The following PCDHGB3 variants were observed in gnomAD, a reference collection of about 807,000 sequenced individuals.
PCDHGB3 encodes the protein protocadherin gamma subfamily B, 3, also known as protocadherin gamma-B3.
In PCDHGB3, 40 loss-of-function variants were observed where a neutral mutation model predicts 59.2. That is an observed-to-expected ratio of 0.68 (90% CI 0.52 to 0.88). The LOEUF (loss-of-function observed/expected upper bound fraction) is 0.88, where lower values mean the gene tolerates loss of function less well. Among genes scored for constraint, PCDHGB3 ranks in the 40% least tolerant of loss-of-function variants. The pLI is 0.00. For synonymous variants in PCDHGB3, 581 were observed against 503.6 expected (o/e 1.15, Z -2.06); for missense variants, 1,309 against 1,187.9 (o/e 1.10, Z -1.50).
intron 1 of PCDHGB3, chr5:141,423,108 GC>G: frequency 1.2e-6 from 2 of 1,613,864 alleles, no homozygotes; most frequent in African/African-American, 2.7e-5. Flanking sequence ...CGGGCGAGGT[GC>G]GTACAGCGCG....
At chr5:141,394,821 G>A (rs2093106496) in intron 1 of PCDHGB3, 2 of 1,613,744 alleles carry the variant, frequency 1.2e-6, no homozygotes, top group East Asian at 2.2e-5. Flanking sequence ...CAGCATCCCC[G>A]AAGTCCTGAC....
chr5:141,510,813 C>G, intron 3 of PCDHGB3, 134 bp from the exon 4 acceptor site: 2 of 1,537,024 alleles, frequency 1.3e-6, no homozygotes, highest in Non-Finnish European at 1.8e-6. Context: ...CTTGGTGACC[C>G]CTATATTCCC....
intron 1 of PCDHGB3, chr5:141,399,366 G>A (rs1390489498): frequency 3.7e-6 from 6 of 1,613,850 alleles, no homozygotes; most frequent in Middle Eastern, 3.3e-4. Flanking sequence ...AAACCCCGGA[G>A]TACAATGTCA....
chr5:141,426,805 A>G (rs1222690899), intron 1 of PCDHGB3: 2 of 456,720 alleles, frequency 4.4e-6, no homozygotes, highest in African/African-American at 2.0e-5. Flanking sequence ...CTCAGTTCTA[A>G]TGAACATTTC....
chr5:141,370,579 C>T lies in PCDHGB3; in HGVS notation c.185C>T (p.Pro62Leu), dbSNP rs1363089193. 1.9e-6 allele frequency: 3 copies of T among 1,613,818 alleles called. No individual in the cohort carries two copies. The highest frequency in any genetic ancestry group is 2.5e-6 in the Non-Finnish European group (3 of 1,179,890). ...KDLGFGVGDL[P>L]TRNLRVIAEK... is the part of the protein sequence containing the mutation. ...CTGGGGTTTGGCGTGGGGGATTTAC[C>T]TACTAGGAACCTGCGGGTTATTGCA... is the stretch of plus-strand genomic sequence containing the variant. The change falls in exon 1 of 4, where the codon CCT (proline) becomes CTT (leucine). Residue 62 changes from proline (P) to leucine (L), a missense_variant. By Grantham distance (98) the Pro-to-Leu change is moderately conservative. Transcript: ENST00000576222.
chr5:141,508,077 G>T (rs1166570509), intron 3 of PCDHGB3: 1 of 152,446 alleles, frequency 6.6e-6, no homozygotes, highest in Non-Finnish European at 1.5e-5. Context: ...GGCTACTCTG[G>T]AGTTGCTGCC....
intron 1 of PCDHGB3, chr5:141,413,140 A>G: frequency 1.3e-6 from 2 of 1,563,150 alleles, no homozygotes; most frequent in Non-Finnish European, 1.7e-6. Context: ...CAACGTGTCC[A>G]GTGAGGACTT....
rs144789830 is a variant in PCDHGB3 at position 141,503,198 on chromosome 5, C to T, written c.2475-2195C>T. Among the ~76,000 whole-genome samples the T allele has an allele frequency of 3.7e-3, 561 of 152,172 alleles. 5 individuals carry two copies. Among genetic ancestry groups the T allele is most frequent in the Admixed American group, 0.011 (164 of 15,268 alleles). ...TATTGTGTAATTATTTAAAATCAGC[C>T]TCTCAGTGCCCACCATGAGCACCGT... On this transcript the variant is annotated intron_variant, in intron 2 of 3. Coordinates refer to ENST00000576222, the MANE Select transcript of PCDHGB3 (RefSeq NM_018924.5).
At chr5:141,435,383 G>C (rs1057246190) in intron 1 of PCDHGB3, among the ~76,000 whole-genome samples, 4 of 151,898 alleles carry the variant, frequency 2.6e-5, no homozygotes, top group Admixed American at 2.0e-4. Flanking sequence ...ACAATATACC[G>C]TATTGCCATG....
intron 1 of PCDHGB3, among the ~76,000 whole-genome samples, chr5:141,454,743 G>A (rs1050167077): frequency 6.7e-6 from 1 of 149,684 alleles, no homozygotes; most frequent in African/African-American, 2.5e-5. Context: ...ATGAAAAGAG[G>A]CCAAACTAAT....
Position 141,390,510 on chromosome 5 carries a change from TAA to T in PCDHGB3, c.2415+17703_2415+17704del. The T allele has an allele frequency of 5.1e-6, 3 of 587,534 alleles. No homozygotes were observed. The South Asian group carries it at 6.4e-5, about 13-fold the overall frequency. 36.4% of individuals were successfully genotyped at this position (587,534 alleles called of 1,614,324 possible). A position where few individuals can be genotyped will look rare whatever the true frequency, so the allele number is the denominator to read the frequency against. The stretch of plus-strand genomic sequence containing the variant: ...TGTTTTTTAGCCAAGCTTAGATTTA[TAA>T]AGCAATGAGGGTGTGGTTTTAACCA... On this transcript the variant is annotated intron_variant, in intron 1 of 3. Transcript: ENST00000576222.
Position 141,490,008 on chromosome 5 carries a change from C to T in PCDHGB3, c.2416-4799C>T. 6.2e-7 allele frequency: 1 copy of T among 1,614,230 alleles called. No homozygotes were observed. ...GTGTGGGAATCCCAGAGAATGCACC[C>T]ATTGGTACTCTGCTGCTCCGCCTCA... On this transcript the variant is annotated intron_variant, in intron 1 of 3. Transcript: ENST00000576222. This position sits in a 1 kb window ranked among gnomAD's most constrained non-coding sequence, Gnocchi z 5.4.
At chr5:141,408,156 T>G (rs1270401832) in intron 1 of PCDHGB3, 2 of 1,512,436 alleles carry the variant, frequency 1.3e-6, no homozygotes, top group East Asian at 2.5e-5. Flanking sequence ...TAGAGTGCAC[T>G]TTCTCCAACT....
chr5:141,384,638 G>T (rs1003169745), intron 1 of PCDHGB3: 38 of 1,614,070 alleles, frequency 2.4e-5, no homozygotes, highest in Non-Finnish European at 2.6e-5. Context: ...CTGGCACCCC[G>T]CTCCGCAGAG....
intron 1 of PCDHGB3, among the ~76,000 whole-genome samples, chr5:141,492,409 C>A (rs1367119266): frequency 6.6e-6 from 1 of 152,230 alleles, no homozygotes; most frequent in Non-Finnish European, 1.5e-5. Flanking sequence ...TCCCCTCTGC[C>A]GCTCCCTCCG....
chr5:141,418,411 C>T, intron 1 of PCDHGB3: 1 of 1,613,986 alleles, frequency 6.2e-7, no homozygotes, highest in East Asian at 2.2e-5. Flanking sequence ...TGGAGAAAGA[C>T]AATCCTGATG....
intron 1 of PCDHGB3, chr5:141,400,163 ACC>A (rs2093974471): frequency 6.2e-7 from 1 of 1,613,712 alleles, no homozygotes. Context: ...GTACCCTCTG[ACC>A]CCCAGGCTGA....
chr5:141,428,001 T>C (rs149531447), intron 1 of PCDHGB3: 1 of 1,601,704 alleles, frequency 6.2e-7, no homozygotes, highest in Admixed American at 1.7e-5. Flanking sequence ...CTCCGCACTC[T>C]TCGATATAGT....
rs926435059 is a variant in PCDHGB3, at chr5:141,371,208, G to A, written c.814G>A (p.Gly272Ser). ...AGTGATGGCCATTGACATGGATGAGGGCATCAATGCCGAAATCATCTATGC... is the reference window on the plus strand; with the variant it reads ...AGTGATGGCCATTGACATGGATGAGAGCATCAATGCCGAAATCATCTATGC... ...LKVMAIDMDE[G>S]INAEIIYAFI... The change falls in exon 1 of 4, where the codon GGC (glycine) becomes AGC (serine). Residue 272 changes from glycine to serine, a missense_variant. Physicochemically the swap from Gly to Ser is moderately conservative, Grantham distance 56. Transcript: ENST00000576222. 1.2e-6 allele frequency: 2 copies of A among 1,613,802 alleles called. No individual in the cohort carries two copies. Among genetic ancestry groups the A allele is most frequent in the Admixed American group, 1.7e-5 (1 of 60,016 alleles).
Sources: gnomAD v4.1 joint callset for allele counts (sites outside exome capture counted in the v4.1 genomes callset) on GRCh38, gnomAD v4.1.1 for gene constraint, Gnocchi (gnomAD v3.1) non-coding constraint, MANE v1.5 for transcripts, NCBI Gene and HGNC (gene_info 2026-07-23, HGNC 2026-07-21) for gene names.